Variants in TMPRSS6 observed in about 807,000 individuals in gnomAD.
The protein encoded by TMPRSS6 is transmembrane protease serine 6.
A neutral mutation model predicts 101.5 loss-of-function variants in TMPRSS6; 67 were observed. That is an observed-to-expected ratio of 0.66 (90% CI 0.54 to 0.81). The LOEUF is 0.81. Ranked by LOEUF, TMPRSS6 falls within the 30% of genes least tolerant of loss-of-function variation. The probability of loss-of-function intolerance (pLI) is 0.00; values close to 1 mark genes in which losing one functional copy is unlikely to be tolerated. For synonymous variants in TMPRSS6, 453 were observed against 464.9 expected, an observed-to-expected ratio of 0.97 and a Z score of 0.33; for missense variants, 1,034 against 1,088.7, an observed-to-expected ratio of 0.95 and a Z score of 0.71.
In TMPRSS6 at chr22:37,084,826, G is replaced by A; in HGVS notation, c.987C>T (p.Asn329=). ...AGTCGAGCCTGTTGTCCAGCGTCAG[G>A]TTCACTTCACAGGCTGGACCAGGAG... ...QPVVFQACEV[N]LTLDNRLDSQ... is the part of the protein sequence containing the mutation. The change falls in exon 9 of 18, where the codon AAC becomes AAT. Residue 329 remains asparagine (N), a synonymous_variant. Coordinates refer to ENST00000676104, the MANE Select transcript of TMPRSS6 (RefSeq NM_001374504.1). The A allele has an allele frequency of 1.9e-6, 3 of 1,554,746 alleles. No homozygotes were observed. Among genetic ancestry groups the A allele is most frequent in the Middle Eastern group, 1.7e-4 (1 of 5,992 alleles).
chr22:37,099,035 G>A (rs1930069262), intron 2 of TMPRSS6, among the ~76,000 whole-genome samples: 1 of 152,250 alleles, frequency 6.6e-6, no homozygotes, highest in Non-Finnish European at 1.5e-5. Context: ...TGGTGGGTAA[G>A]AAAGGCGTGG....
At position 37,101,321 on chromosome 22, in the gene TMPRSS6, G is replaced by A. The variant is rs1476749810; in HGVS notation, c.202+1895C>T. 1.3e-5 allele frequency among the ~76,000 whole-genome samples: 2 copies of A among 152,048 alleles called. No individual in the cohort carries two copies. The highest frequency in any genetic ancestry group is 2.9e-5 in the Non-Finnish European group (2 of 67,986). The stretch of plus-strand genomic sequence containing the variant: ...AGGGGCAGGCGGGTGCTGGGGGCTT[G>A]AGAACACATAAAACTCTTGCCTGGG... On this transcript the variant is annotated intron_variant, in intron 2 of 17. Coordinates refer to ENST00000676104, the MANE Select transcript of TMPRSS6 (RefSeq NM_001374504.1). The surrounding 1 kb of genome is among the most constrained non-coding windows in gnomAD (Gnocchi z 4.1).
chr22:37,086,263 A>AGG lies in TMPRSS6; in HGVS notation c.973+18_973+19dup, dbSNP rs1456221398. 1.2e-6 allele frequency: 2 copies of AGG among 1,613,978 alleles called. No individual in the cohort carries two copies. Among genetic ancestry groups the AGG allele is most frequent in the South Asian group, 2.2e-5 (2 of 91,058 alleles). ...TCTACCACCACCCCTCCCCTGCCCC[A>AGG]GGGACCCCTGACCTCTCACCCTGGA... On this transcript the variant is annotated intron_variant, in intron 8 of 17. Transcript: ENST00000676104.
intron 10 of TMPRSS6, among the ~76,000 whole-genome samples, chr22:37,081,427 C>G (rs1457593797): frequency 6.6e-6 from 1 of 152,188 alleles, no homozygotes; most frequent in African/African-American, 2.4e-5. Flanking sequence ...ACCTCACCAG[C>G]CTGACTTGGA....
chr22:37,078,185 A>G (rs536012985), intron 10 of TMPRSS6, among the ~76,000 whole-genome samples: 1 of 152,266 alleles, frequency 6.6e-6, no homozygotes, highest in South Asian at 2.1e-4. Flanking sequence ...GTCCCTTCCC[A>G]CAGTCACAGG....
Position 37,073,648 on chromosome 22 carries a change from G to T in TMPRSS6, c.1442-3C>A, listed in dbSNP as rs1443036226. Reference sequence around the variant, plus strand: ...GCACTGGAATGTGGCTCTGCAAACTGTGTGGGGACACAGAGAGGGGACAGG... The same window carrying T: ...GCACTGGAATGTGGCTCTGCAAACTTTGTGGGGACACAGAGAGGGGACAGG... On this transcript the variant is annotated splice_polypyrimidine_tract_variant and splice_region_variant and intron_variant, in intron 12 of 17. Coordinates refer to ENST00000676104, the MANE Select transcript of TMPRSS6 (RefSeq NM_001374504.1). 1.1e-5 allele frequency: 18 copies of T among 1,606,900 alleles called. No individual in the cohort carries two copies. Among genetic ancestry groups the T allele is most frequent in the Non-Finnish European group, 1.4e-5 (17 of 1,173,544 alleles).
In TMPRSS6 at chr22:37,095,542, A is replaced by T. The variant is rs897000642; in HGVS notation, c.631+9T>A. ...AGGAAAATGGGGAGGGGAAAAAAAAATAGCGTACCCAGCGTGGAATTCAAT... is the reference window on the plus strand; with the variant it reads ...AGGAAAATGGGGAGGGGAAAAAAAATTAGCGTACCCAGCGTGGAATTCAAT... On this transcript the variant is annotated intron_variant, in intron 6 of 17. Coordinates refer to ENST00000676104, the MANE Select transcript of TMPRSS6 (RefSeq NM_001374504.1). 2.5e-6 allele frequency: 4 copies of T among 1,613,350 alleles called. No homozygotes were observed. The highest frequency in any genetic ancestry group is 3.4e-6 in the Non-Finnish European group (4 of 1,179,848).
Position 37,065,710 on chromosome 22 carries a change from G to A in TMPRSS6, c.*370C>T. 1 of 273,534 alleles carries A rather than the reference G, an allele frequency of 3.7e-6. No individual in the cohort carries two copies. The highest frequency in any genetic ancestry group is 7.2e-6 in the Non-Finnish European group (1 of 138,646). 16.9% of individuals were successfully genotyped at this position (273,534 alleles called of 1,614,324 possible). A position where few individuals can be genotyped will look rare whatever the true frequency, so the allele number is the denominator to read the frequency against. On this transcript the variant is annotated 3_prime_UTR_variant, in exon 18 of 18. Coordinates refer to ENST00000676104, the MANE Select transcript of TMPRSS6 (RefSeq NM_001374504.1). ...CTCTGGAGGCAAGGCTGCCCAAACA[G>A]CCTCTGTACAGAGTGGGGCGCACCT...
At chr22:37,104,414 C>T (rs1355728210) in intron 1 of TMPRSS6, among the ~76,000 whole-genome samples, 3 of 152,154 alleles carry the variant, frequency 2.0e-5, no homozygotes, top group African/African-American at 4.8e-5. Context: ...ATCTAAGATG[C>T]CTCCCATAAA....
rs868426863 is a variant in TMPRSS6 at position 37,097,796 on chromosome 22, C to T, written c.336+620G>A. On this transcript the variant is annotated intron_variant, in intron 3 of 17. Coordinates refer to ENST00000676104, the MANE Select transcript of TMPRSS6 (RefSeq NM_001374504.1). ...GGAGGGGCAGGAGTGGGCCACCGTC[C>T]TGTAACGGAGGGGCAGGAGCGGCCA... Among the ~76,000 whole-genome samples, 217 of 119,420 alleles carry T rather than the reference C, an allele frequency of 1.8e-3. 11 individuals carry two copies. In the South Asian group the frequency reaches 0.032, roughly 17 times the overall value. The allele number at this position is 119,420 out of a possible 152,430, so 78.3% of individuals were successfully genotyped here.
In TMPRSS6 at chr22:37,084,723, T is replaced by C. The variant is rs750250220; in HGVS notation, c.1086+4A>G. 6 of 1,557,662 alleles carry C rather than the reference T, an allele frequency of 3.9e-6. No homozygotes were observed. Among genetic ancestry groups the C allele is most frequent in the Non-Finnish European group, 5.2e-6 (6 of 1,150,562 alleles). ...GCAGGTGGGCAGGCAGGGTGGGGTC[T>C]CACCGTGAGGTGCCAGGAGCAGTGG... is the stretch of plus-strand genomic sequence containing the variant. On this transcript the variant is annotated splice_donor_region_variant and intron_variant, in intron 9 of 17. Coordinates refer to ENST00000676104, the MANE Select transcript of TMPRSS6 (RefSeq NM_001374504.1).
At chr22:37,093,384 C>CTTTTTTTTTTTTTTTTTT (rs67659825) in intron 6 of TMPRSS6, among the ~76,000 whole-genome samples, 5 of 82,542 alleles carry the variant, frequency 6.1e-5, no homozygotes, top group East Asian at 3.7e-4. Flanking sequence ...TTCTTTCTTT[C>CTTTTTTTTTTTTTTTTTT]TTTTTTTTTT....
Position 37,095,971 on chromosome 22 carries a change from T to A in TMPRSS6, c.524A>T (p.Asn175Ile). ...CCTGTAGGGGACGGCAGCCGAGCTG[T>A]TGACTGTGGACAGCAGCTCCTCCAC... ...LLVEELLSTV[N>I]SSAAVPYRAE... Residue 175 changes from asparagine (N) to isoleucine (I), a missense_variant, in exon 5 of 18, where the codon AAC becomes ATC. By Grantham distance (149) the Asn-to-Ile change is moderately radical. Coordinates refer to ENST00000676104, the MANE Select transcript of TMPRSS6 (RefSeq NM_001374504.1). 6.2e-7 allele frequency: 1 copy of A among 1,614,182 alleles called. No homozygotes were observed. Among genetic ancestry groups the A allele is most frequent in the Non-Finnish European group, 8.5e-7 (1 of 1,180,032 alleles).
rs558793751 is a variant in TMPRSS6, at chr22:37,097,201, G to A, written c.337-486C>T. 5.3e-4 allele frequency among the ~76,000 whole-genome samples: 80 copies of A among 152,332 alleles called. No individual in the cohort carries two copies. In the South Asian group the frequency reaches 5.4e-3, roughly 10 times the overall value. On this transcript the variant is annotated intron_variant, in intron 3 of 17. Coordinates refer to ENST00000676104, the MANE Select transcript of TMPRSS6 (RefSeq NM_001374504.1). The stretch of plus-strand genomic sequence containing the variant: ...TGCAACCCACAACAAATCTGCAGCC[G>A]GGTCCTGTTGTTATCACCCCTACCT...
chr22:37,096,748 C>A, intron 3 of TMPRSS6, 33 bp from the exon 4 acceptor site: 1 of 1,553,958 alleles, frequency 6.4e-7, no homozygotes. Flanking sequence ...CCCCTGGGAC[C>A]CTCTGCAGGG....
At chr22:37,109,299 TGC>T (rs1190223258) in intron 1 of TMPRSS6, 4 of 152,698 alleles carry the variant, frequency 2.6e-5, no homozygotes. Flanking sequence ...GGTGTCACCC[TGC>T]GTGGTCCCTC....
chr22:37,086,253 C>T lies in TMPRSS6; in HGVS notation c.973+30G>A, dbSNP rs556302583. The T allele has an allele frequency of 1.4e-5, 23 of 1,614,062 alleles. No individual in the cohort carries two copies. In the South Asian group the frequency reaches 2.0e-4, roughly 14 times the overall value. On this transcript the variant is annotated intron_variant, in intron 8 of 17. Coordinates refer to ENST00000676104, the MANE Select transcript of TMPRSS6 (RefSeq NM_001374504.1). The stretch of plus-strand genomic sequence containing the variant: ...GCCCTTGGATTCTACCACCACCCCT[C>T]CCCTGCCCCAGGGACCCCTGACCTC...
chr22:37,080,850 T>C (rs546663867), intron 10 of TMPRSS6, among the ~76,000 whole-genome samples: 1 of 152,264 alleles, frequency 6.6e-6, no homozygotes, highest in Non-Finnish European at 1.5e-5. Context: ...ATGCCTTGGC[T>C]GAGGGAGTCA....
At chr22:37,089,922 T>G in intron 6 of TMPRSS6, 140 bp from the exon 7 acceptor site, 1 of 712,170 alleles carries the variant, frequency 1.4e-6, no homozygotes, top group Non-Finnish European at 2.3e-6. Context: ...AGACATGCTC[T>G]ACCCCATCCT....
Sources: gnomAD v4.1 joint callset for allele counts (sites outside exome capture counted in the v4.1 genomes callset) on GRCh38, gnomAD v4.1.1 for gene constraint, Gnocchi (gnomAD v3.1) non-coding constraint, MANE v1.5 for transcripts, NCBI Gene and HGNC (gene_info 2026-07-23, HGNC 2026-07-21) for gene names.